Variants in SPAG16 observed in about 807,000 individuals in gnomAD.
The protein encoded by SPAG16 is sperm-associated antigen 16 protein.
Under a neutral mutation model 80.4 loss-of-function variants are expected in SPAG16, and 86 were observed. The ratio of observed to expected loss-of-function variants is 1.07; its 90% confidence interval spans 0.90 to 1.28. The LOEUF (loss-of-function observed/expected upper bound fraction) is 1.28, where lower values mean the gene tolerates loss of function less well. Among genes scored for constraint, SPAG16 ranks in the 50% most tolerant of loss-of-function variants. The probability of loss-of-function intolerance (pLI) is 0.00; values close to 1 mark genes in which losing one functional copy is unlikely to be tolerated. For missense variants in SPAG16, 870 were observed against 765.3 expected (o/e 1.14, Z -1.61); for synonymous variants, 294 against 265.9 (o/e 1.11, Z -1.03).
chr2:213,522,850 A>T lies in SPAG16; in HGVS notation c.1070+32760A>T, dbSNP rs576928124. On this transcript the variant is annotated intron_variant, in intron 10 of 15. Transcript: ENST00000331683. ...TATATATATAACAAACATATATATA[A>T]AAAAACTAATATATATATGTTTTAG... Among the ~76,000 whole-genome samples, 91 of 149,148 alleles carry T rather than the reference A, an allele frequency of 6.1e-4. 2 individuals are homozygous for T. In the South Asian group the frequency reaches 0.018, roughly 30 times the overall value.
chr2:214,002,135 C>A (rs2046819061), intron 12 of SPAG16, among the ~76,000 whole-genome samples: 1 of 151,676 alleles, frequency 6.6e-6, no homozygotes, highest in African/African-American at 2.4e-5. Context: ...CAATCATCTC[C>A]CACTAGGTCC....
intron 15 of SPAG16, among the ~76,000 whole-genome samples, chr2:214,221,821 T>G (rs1040925169): frequency 3.3e-5 from 5 of 152,182 alleles, no homozygotes; most frequent in African/African-American, 1.2e-4. Flanking sequence ...GTGTACATTC[T>G]TCTTATGTTT....
chr2:213,913,729 A>G (rs1575536176), intron 11 of SPAG16, among the ~76,000 whole-genome samples: 1 of 152,100 alleles, frequency 6.6e-6, no homozygotes, highest in Non-Finnish European at 1.5e-5. Context: ...AAAGAGATAC[A>G]TGCAGAGACA....
intron 11 of SPAG16, among the ~76,000 whole-genome samples, chr2:213,881,403 A>C (rs771530910): frequency 6.6e-6 from 1 of 152,210 alleles, no homozygotes; most frequent in Non-Finnish European, 1.5e-5. Context: ...AGGATCATAT[A>C]GTCAGTGAAG....
chr2:213,999,311 T>G (rs893407351), intron 12 of SPAG16, among the ~76,000 whole-genome samples: 1 of 152,166 alleles, frequency 6.6e-6, no homozygotes, highest in African/African-American at 2.4e-5. Context: ...AAGGGTCCAA[T>G]GTAGAGCTTG....
chr2:213,959,442 G>C (rs1178808143), intron 12 of SPAG16, among the ~76,000 whole-genome samples: 2 of 152,212 alleles, frequency 1.3e-5, no homozygotes, highest in Admixed American at 1.3e-4. Flanking sequence ...TTTAGATATA[G>C]CCTGTTTGTT....
chr2:213,574,564 A>G (rs990738932), intron 10 of SPAG16, among the ~76,000 whole-genome samples: 2 of 151,662 alleles, frequency 1.3e-5, no homozygotes, highest in African/African-American at 4.8e-5. Context: ...CTGCTAGATA[A>G]TGTTAAACCA....
chr2:213,882,652 TATTTGTTATACCTG>T (rs2076388211), intron 11 of SPAG16, among the ~76,000 whole-genome samples: 1 of 152,228 alleles, frequency 6.6e-6, no homozygotes, highest in Non-Finnish European at 1.5e-5. Context: ...TGTAATCTCA[TATTTGTTATACCTG>T]ATTGTACTGA....
chr2:213,493,927 C>A (rs1575742468), intron 10 of SPAG16, among the ~76,000 whole-genome samples: 2 of 152,302 alleles, frequency 1.3e-5, no homozygotes, highest in Admixed American at 1.3e-4. Flanking sequence ...TTGCCATTCT[C>A]CTCTGCCATC....
chr2:213,559,484 A>C (rs576220140), intron 10 of SPAG16, among the ~76,000 whole-genome samples: 1 of 152,316 alleles, frequency 6.6e-6, no homozygotes, highest in South Asian at 2.1e-4. Flanking sequence ...AAATTGCATA[A>C]AATTATGCTT....
intron 10 of SPAG16, among the ~76,000 whole-genome samples, chr2:213,590,383 A>G (rs1414128885): frequency 6.6e-6 from 1 of 152,126 alleles, no homozygotes; most frequent in African/African-American, 2.4e-5. Flanking sequence ...TGGAATCCCC[A>G]ATGTTTGCAT....
At chr2:214,047,971 A>G (rs193111175) in intron 13 of SPAG16, among the ~76,000 whole-genome samples, 1 of 152,316 alleles carries the variant, frequency 6.6e-6, no homozygotes, top group East Asian at 1.9e-4. Flanking sequence ...CAGAAGTGCA[A>G]ATCAATGCTA....
chr2:214,319,200 C>CACACACACACA (rs140486125), intron 15 of SPAG16, among the ~76,000 whole-genome samples: 21 of 142,340 alleles, frequency 1.5e-4, no homozygotes, highest in African/African-American at 5.2e-4. Flanking sequence ...CACACACACA[C>CACACACACACA]CACACACACA....
At chr2:213,929,875 A>C in intron 11 of SPAG16, 85 bp from the exon 12 acceptor site, 1 of 1,186,316 alleles carries the variant, frequency 8.4e-7, no homozygotes, top group South Asian at 1.4e-5. Flanking sequence ...ACATACACAT[A>C]CACACAAATT....
chr2:214,359,242 A>T (rs2126066451), intron 15 of SPAG16, among the ~76,000 whole-genome samples: 1 of 151,990 alleles, frequency 6.6e-6, no homozygotes, highest in South Asian at 2.1e-4. Context: ...TAGATGAGAA[A>T]ATAATCTTAG....
At chr2:213,491,459 AC>A (rs1210541645) in intron 10 of SPAG16, among the ~76,000 whole-genome samples, 1 of 152,190 alleles carries the variant, frequency 6.6e-6, no homozygotes, top group Non-Finnish European at 1.5e-5. Context: ...ATATTTCATC[AC>A]CATAACTAAT....
At chr2:213,860,666 C>G (rs72941151) in intron 10 of SPAG16, among the ~76,000 whole-genome samples, 51,929 of 151,302 alleles carry the variant, frequency 0.34, 9,370 homozygotes, top group South Asian at 0.47. Context: ...AAAGTACTTC[C>G]AAATCTGATT....
chr2:214,358,196 T>C (rs1345736478), intron 15 of SPAG16, among the ~76,000 whole-genome samples: 1 of 151,892 alleles, frequency 6.6e-6, no homozygotes, highest in Non-Finnish European at 1.5e-5. Context: ...TATGCGATGC[T>C]CTTGGTGTCA....
rs923477141 is a variant in SPAG16, at chr2:213,317,146, T to C, written c.399-73T>C. The C allele has an allele frequency of 8.5e-6, 8 of 937,018 alleles. No homozygotes were observed. The African/African-American group carries it at 1.1e-4, about 13-fold the overall frequency. The allele number at this position is 937,018 out of a possible 1,614,324, so 58.0% of individuals were successfully genotyped here. A position where few individuals can be genotyped will look rare whatever the true frequency, so the allele number is the denominator to read the frequency against. On this transcript the variant is annotated intron_variant, in intron 4 of 15. Coordinates refer to ENST00000331683, the MANE Select transcript of SPAG16 (RefSeq NM_024532.5). ...ATAACACTCCCTGAGACTTAACTTT[T>C]TGAATTGTACATAAATTAAGCCAAT...
Sources: allele counts gnomAD v4.1 joint callset (sites outside exome capture counted in the v4.1 genomes callset), GRCh38; gene constraint gnomAD v4.1.1; transcripts MANE v1.5; gene names NCBI Gene and HGNC (gene_info 2026-07-23, HGNC 2026-07-21).